Variants in TMEM87B observed in about 807,000 individuals in gnomAD.
The protein encoded by TMEM87B is transmembrane protein 87B.
TMEM87B carries 83 observed loss-of-function variants against 80.3 expected under a neutral mutation model. That is an observed-to-expected ratio of 1.03 (90% CI 0.87 to 1.24). The LOEUF (loss-of-function observed/expected upper bound fraction) is 1.24, where lower values mean the gene tolerates loss of function less well. Among genes scored for constraint, TMEM87B ranks in the 50% most tolerant of loss-of-function variants. The pLI is 0.00. For missense variants in TMEM87B, 625 were observed against 674.4 expected (o/e 0.93, Z 0.81); for synonymous variants, 219 against 230.5 (o/e 0.95, Z 0.45).
At chr2:112,055,794 GGGC>G in intron 1 of TMEM87B, 38 bp downstream of exon 1, 1 of 1,447,216 alleles carries the variant, frequency 6.9e-7, no homozygotes, top group Non-Finnish European at 9.1e-7. Flanking sequence ...GGCACGTCTC[GGGC>G]CGTCAGGGCC....
At position 112,084,473 on chromosome 2, in the gene TMEM87B, C is replaced by T. The variant is rs374014994; in HGVS notation, c.839-1532C>T. Among the ~76,000 whole-genome samples, 33 of 152,336 alleles carry T rather than the reference C, an allele frequency of 2.2e-4. No homozygotes were observed. The East Asian group carries it at 6.2e-3, about 28-fold the overall frequency. ...CCTTTCTGCCTTTGTGTGGCGGTCT[C>T]GCCCCAGCCCACACTTGCTGCCCTT... On this transcript the variant is annotated intron_variant, in intron 8 of 18. Transcript: ENST00000283206.
rs761998812 is a variant in TMEM87B, at chr2:112,091,733, G to T, written c.1054G>T (p.Val352Phe). The T allele has an allele frequency of 7.4e-6, 12 of 1,612,938 alleles. No homozygotes were observed. The highest frequency in any genetic ancestry group is 5.5e-5 in the South Asian group (5 of 90,986). ...TCAGGGTTCTAACCATTTAGCTGTTGTTCTTGATGACATTATTTTAGCAGT... is the reference window on the plus strand; with the variant it reads ...TCAGGGTTCTAACCATTTAGCTGTTTTTCTTGATGACATTATTTTAGCAGT... ...VIGGSNHLAV[V>F]LDDIILAVID... The change falls in exon 11 of 19, where the codon GTT (valine) becomes TTT (phenylalanine). Residue 352 changes from valine to phenylalanine, a missense_variant. Coordinates refer to ENST00000283206, the MANE Select transcript of TMEM87B (RefSeq NM_032824.3).
At chr2:112,089,068 G>C (rs1300363281) in intron 9 of TMEM87B, among the ~76,000 whole-genome samples, 2 of 152,192 alleles carry the variant, frequency 1.3e-5, no homozygotes, top group African/African-American at 4.8e-5. Context: ...GCCCAAAAAT[G>C]TTATTTTAAC....
chr2:112,064,750 T>A (rs1383770312), intron 3 of TMEM87B, among the ~76,000 whole-genome samples: 1 of 152,186 alleles, frequency 6.6e-6, no homozygotes, highest in African/African-American at 2.4e-5. Context: ...CTGGGTTTCT[T>A]CCTCCTGGGA....
intron 4 of TMEM87B, among the ~76,000 whole-genome samples, chr2:112,073,380 C>A (rs1350081825): frequency 1.3e-5 from 2 of 152,116 alleles, no homozygotes; most frequent in Middle Eastern, 3.2e-3. Flanking sequence ...CATTCAGGAG[C>A]AGGTTGTTTA....
At position 112,107,832 on chromosome 2, in the gene TMEM87B, C is replaced by T. The variant is rs1679813323; in HGVS notation, c.1569C>T (p.Phe523=). The change falls in exon 17 of 19, where the codon TTC becomes TTT. Residue 523 remains phenylalanine (F), a synonymous_variant. Coordinates refer to ENST00000283206, the MANE Select transcript of TMEM87B (RefSeq NM_032824.3). ...TAGAAGAAAATATTCCCTCTTCATT[C>T]ACAGATGTGTAAGTTATCTTCTGTT... ...KWVEENIPSS[F]TDVALPVLVD... is the part of the protein sequence containing the mutation. 4 of 1,584,480 alleles carry T rather than the reference C, an allele frequency of 2.5e-6. No individual in the cohort carries two copies. The highest frequency in any genetic ancestry group is 2.7e-5 in the African/African-American group (2 of 74,372).
chr2:112,056,171 A>G (rs1275656545), intron 1 of TMEM87B, among the ~76,000 whole-genome samples: 1 of 151,540 alleles, frequency 6.6e-6, no homozygotes, highest in Non-Finnish European at 1.5e-5. Context: ...CGCAGGGAGG[A>G]CTTGCCAGCG....
intron 15 of TMEM87B, among the ~76,000 whole-genome samples, chr2:112,104,343 C>A (rs1679708644): frequency 6.6e-6 from 1 of 152,036 alleles, no homozygotes; most frequent in Admixed American, 6.5e-5. Flanking sequence ...GGCTTATATC[C>A]AGAATATAAG....
At chr2:112,064,938 A>T (rs1468779183) in intron 3 of TMEM87B, among the ~76,000 whole-genome samples, 1 of 152,080 alleles carries the variant, frequency 6.6e-6, no homozygotes, top group African/African-American at 2.4e-5. Flanking sequence ...ATATACATAT[A>T]TGTGTACATA....
At chr2:112,082,692 G>A (rs534987142) in intron 8 of TMEM87B, among the ~76,000 whole-genome samples, 2 of 152,252 alleles carry the variant, frequency 1.3e-5, no homozygotes, top group Admixed American at 6.5e-5. Context: ...GCGTGTGCGT[G>A]CATGTGTGCT....
intron 8 of TMEM87B, 51 bp from the exon 9 acceptor site, chr2:112,085,954 C>T (rs1027253798): frequency 2.7e-6 from 4 of 1,491,608 alleles, no homozygotes; most frequent in African/African-American, 1.4e-5. Flanking sequence ...TCTTGGTTGG[C>T]AGGCTTCCAG....
chr2:112,116,552 A>G lies in TMEM87B; in HGVS notation c.*409A>G. On this transcript the variant is annotated 3_prime_UTR_variant, in exon 19 of 19. Coordinates refer to ENST00000283206, the MANE Select transcript of TMEM87B (RefSeq NM_032824.3). Reference sequence around the variant, plus strand: ...TGAGGTAGATATTGTGATTTTCTGGAGTATAGTATATCCGTGTCTCTGTGT... The same window carrying G: ...TGAGGTAGATATTGTGATTTTCTGGGGTATAGTATATCCGTGTCTCTGTGT... 1 of 157,026 alleles carries G rather than the reference A, an allele frequency of 6.4e-6. No homozygotes were observed. The highest frequency in any genetic ancestry group is 1.9e-4 in the East Asian group (1 of 5,360). 9.7% of individuals were successfully genotyped at this position (157,026 alleles called of 1,614,324 possible).
chr2:112,082,527 C>T (rs1323394781), intron 8 of TMEM87B, among the ~76,000 whole-genome samples: 1 of 152,116 alleles, frequency 6.6e-6, no homozygotes, highest in East Asian at 1.9e-4. Context: ...ATATTGCTTT[C>T]TCTCTTTTTG....
intron 4 of TMEM87B, among the ~76,000 whole-genome samples, chr2:112,067,698 A>G (rs565446297): frequency 1.3e-5 from 2 of 152,302 alleles, no homozygotes; most frequent in East Asian, 3.9e-4. Context: ...CCTCCAATTT[A>G]TCTCTCACTC....
At chr2:112,061,948 C>T (rs1034032104) in intron 2 of TMEM87B, among the ~76,000 whole-genome samples, 2 of 152,204 alleles carry the variant, frequency 1.3e-5, no homozygotes, top group African/African-American at 4.8e-5. Context: ...CCTGAGCCTC[C>T]TTGGTCTGGT....
chr2:112,081,301 G>T (rs1678990133), intron 7 of TMEM87B, 34 bp from the exon 8 acceptor site: 3 of 1,563,754 alleles, frequency 1.9e-6, no homozygotes, highest in African/African-American at 2.7e-5. Flanking sequence ...TGACCAAAAG[G>T]CTTAACTGAC....
intron 6 of TMEM87B, 124 bp from the exon 7 acceptor site, chr2:112,080,933 G>T: frequency 1.3e-6 from 1 of 770,898 alleles, no homozygotes. Flanking sequence ...TACCATGTAT[G>T]TGCTACATAC....
Position 112,077,266 on chromosome 2 carries a change from AAGCTGGAATTTGAATGGTAT to A in TMEM87B, c.579_592+6del. ...CTATTAAAACGGAGAATACAGATGCAAGCTGGAATTTGAATGGTATAGTTAAACTGCATGCATGTTTACTG... is the reference window on the plus strand; with the variant it reads ...CTATTAAAACGGAGAATACAGATGCAAGTTAAACTGCATGCATGTTTACTG... On this transcript the variant is annotated splice_donor_variant and splice_donor_region_variant and coding_sequence_variant and intron_variant, in exon 6 of 19. Transcript: ENST00000283206. LOFTEE classifies it high-confidence loss of function. 1 of 1,582,786 alleles carries A rather than the reference AAGCTGGAATTTGAATGGTAT, an allele frequency of 6.3e-7. No homozygotes were observed. Among genetic ancestry groups the A allele is most frequent in the Non-Finnish European group, 8.6e-7 (1 of 1,162,666 alleles).
rs777578633 is a variant in TMEM87B at position 112,055,667 on chromosome 2, C to T, written c.76C>T (p.Leu26=). ...CTGCTTTCCCGCCCGGGCCCCGCTG[C>T]TGCGCGTCGCCCTCTGCCTCCTGTG... The part of the protein sequence containing the change: ...RRCFPARAPL[L]RVALCLLCWT... Residue 26 remains leucine (L), a synonymous_variant, in exon 1 of 19, where the codon CTG becomes TTG. Transcript: ENST00000283206. The T allele has an allele frequency of 1.3e-6, 2 of 1,585,232 alleles. No individual in the cohort carries two copies. Among genetic ancestry groups the T allele is most frequent in the Admixed American group, 3.5e-5 (2 of 57,312 alleles).
Sources: allele counts gnomAD v4.1 joint callset (sites outside exome capture counted in the v4.1 genomes callset), GRCh38; gene constraint gnomAD v4.1.1; transcripts MANE v1.5; gene names NCBI Gene and HGNC (gene_info 2026-07-23, HGNC 2026-07-21).